Variants in WFDC1 observed in about 807,000 individuals in gnomAD.
The protein encoded by WFDC1 is WAP four-disulfide core domain protein 1.
A neutral mutation model predicts 32.9 loss-of-function variants in WFDC1; 39 were observed. That is an observed-to-expected ratio of 1.19 (90% CI 0.92 to 1.55). The LOEUF is 1.55. Among genes scored for constraint, WFDC1 ranks in the 40% most tolerant of loss-of-function variants. The pLI is 0.00. For synonymous variants in WFDC1, 184 were observed against 137.4 expected, an observed-to-expected ratio of 1.34 and a Z score of -2.37; for missense variants, 386 against 309.5, an observed-to-expected ratio of 1.25 and a Z score of -1.85.
Position 84,294,931 on chromosome 16 carries a change from C to G in WFDC1, c.-41C>G, listed in dbSNP as rs768962826. ...CAGGCCCACGCAGCGAGGGGGGCCC[C>G]TCTTCTGTGTGCGTCTGGAAGGTCG... On this transcript the variant is annotated 5_prime_UTR_variant, in exon 1 of 7. Coordinates refer to ENST00000219454, the MANE Select transcript of WFDC1 (RefSeq NM_021197.4). 6.3e-7 allele frequency: 1 copy of G among 1,594,020 alleles called. No homozygotes were observed. The highest frequency in any genetic ancestry group is 1.1e-5 in the South Asian group (1 of 87,226).
At chr16:84,298,105 G>T (rs1324753432) in intron 1 of WFDC1, among the ~76,000 whole-genome samples, 1 of 151,960 alleles carries the variant, frequency 6.6e-6, no homozygotes, top group South Asian at 2.1e-4. Context: ...TAAACTTACA[G>T]TTAAATCATT....
At chr16:84,324,049 G>A (rs1908450245) in intron 4 of WFDC1, among the ~76,000 whole-genome samples, 1 of 152,166 alleles carries the variant, frequency 6.6e-6, no homozygotes, top group Admixed American at 6.5e-5. Flanking sequence ...GAACCCAGGA[G>A]GCAGAGGTTA....
intron 2 of WFDC1, among the ~76,000 whole-genome samples, chr16:84,314,679 G>A (rs1017844343): frequency 2.6e-5 from 4 of 152,168 alleles, no homozygotes; most frequent in Admixed American, 2.6e-4. Flanking sequence ...ACTGCCTCTG[G>A]GCAGGAACTG....
chr16:84,311,409 T>TTTTC (rs1567656818), intron 1 of WFDC1, among the ~76,000 whole-genome samples: 2 of 137,080 alleles, frequency 1.5e-5, no homozygotes, highest in Non-Finnish European at 1.6e-5. Context: ...TTTGTATTTT[T>TTTTC]AGTAGAGACG....
chr16:84,313,143 G>GC lies in WFDC1; in HGVS notation c.332dup (p.Pro112AlafsTer25). The stretch of plus-strand genomic sequence containing the variant: ...CCTACGCCTGCCTAGAAGCTGTGCC[G>GC]CCCCCGCCAGGTAGGTCCTGGGCCC... On this transcript the variant is annotated frameshift_variant, in exon 2 of 7. Transcript: ENST00000219454. LOFTEE classifies it high-confidence loss of function. 1 of 1,432,176 alleles carries GC rather than the reference G, an allele frequency of 7.0e-7. No individual in the cohort carries two copies. The highest frequency in any genetic ancestry group is 9.1e-7 in the Non-Finnish European group (1 of 1,101,026). 88.7% of individuals were successfully genotyped at this position (1,432,176 alleles called of 1,614,324 possible).
chr16:84,303,750 C>G (rs1011569258), intron 1 of WFDC1, among the ~76,000 whole-genome samples: 1 of 152,180 alleles, frequency 6.6e-6, no homozygotes, highest in Non-Finnish European at 1.5e-5. Flanking sequence ...AGTCATGCAA[C>G]CGTCCTAACT....
At chr16:84,322,193 G>C (rs1262679767) in intron 4 of WFDC1, among the ~76,000 whole-genome samples, 2 of 151,688 alleles carry the variant, frequency 1.3e-5, no homozygotes, top group African/African-American at 4.8e-5. Flanking sequence ...GTGTGTGTGA[G>C]CTTCCCCTCC....
chr16:84,300,530 C>G (rs776322527), intron 1 of WFDC1, among the ~76,000 whole-genome samples: 3 of 152,262 alleles, frequency 2.0e-5, no homozygotes, highest in Non-Finnish European at 4.4e-5. Flanking sequence ...TGTGTCCCCC[C>G]AAAGATATAT....
chr16:84,316,531 A>C (rs1307500842), intron 2 of WFDC1: 1 of 151,956 alleles, frequency 6.6e-6, no homozygotes, highest in African/African-American at 2.4e-5. Flanking sequence ...AGGCCAAAGC[A>C]GGAGGATCAC....
chr16:84,326,987 G>A (rs1403907767), intron 6 of WFDC1, 32 bp downstream of exon 6: 1 of 1,608,322 alleles, frequency 6.2e-7, no homozygotes, highest in Admixed American at 1.7e-5. Flanking sequence ...GTCATGGCCA[G>A]GGTAAATGTG....
At chr16:84,310,855 A>G (rs182586617) in intron 1 of WFDC1, among the ~76,000 whole-genome samples, 16 of 152,138 alleles carry the variant, frequency 1.1e-4, no homozygotes, top group African/African-American at 3.4e-4. Context: ...TACTATTCCA[A>G]TTTGCAGATA....
At chr16:84,301,120 C>T (rs928006808) in intron 1 of WFDC1, among the ~76,000 whole-genome samples, 2 of 152,246 alleles carry the variant, frequency 1.3e-5, no homozygotes, top group East Asian at 3.9e-4. Flanking sequence ...CTGCCAGCCA[C>T]CACTGGAAGC....
At chr16:84,324,257 G>A (rs549843042) in intron 4 of WFDC1, among the ~76,000 whole-genome samples, 162 bp from the exon 5 acceptor site, 18 of 152,280 alleles carry the variant, frequency 1.2e-4, no homozygotes, top group African/African-American at 4.1e-4. Context: ...AGAAACTAGA[G>A]CTGAGACATT....
At chr16:84,300,106 G>C (rs1287419372) in intron 1 of WFDC1, among the ~76,000 whole-genome samples, 5 of 152,252 alleles carry the variant, frequency 3.3e-5, no homozygotes, top group African/African-American at 7.2e-5. Context: ...GCCTGGAGCT[G>C]TGCTTTCACC....
chr16:84,297,688 G>T (rs185898325), intron 1 of WFDC1, among the ~76,000 whole-genome samples: 1 of 149,116 alleles, frequency 6.7e-6, no homozygotes, highest in Admixed American at 6.7e-5. Flanking sequence ...CAGGCTGTTC[G>T]CCTGTGGCTC....
At chr16:84,297,913 A>G (rs1906704575) in intron 1 of WFDC1, among the ~76,000 whole-genome samples, 1 of 151,954 alleles carries the variant, frequency 6.6e-6, no homozygotes, top group Non-Finnish European at 1.5e-5. Flanking sequence ...CAAAGTCGAG[A>G]CTTCCCCGTG....
At chr16:84,318,230 G>A in intron 2 of WFDC1, 42 bp from the exon 3 acceptor site, 1 of 1,606,570 alleles carries the variant, frequency 6.2e-7, no homozygotes, top group Non-Finnish European at 8.5e-7. Context: ...GCGTTTCTCA[G>A]CTGCTTGAGG....
At chr16:84,297,958 C>G (rs1906708392) in intron 1 of WFDC1, among the ~76,000 whole-genome samples, 1 of 152,128 alleles carries the variant, frequency 6.6e-6, no homozygotes, top group East Asian at 1.9e-4. Flanking sequence ...TGAGTGAGAC[C>G]TTCAGCCTTG....
At chr16:84,323,579 T>C (rs941872905) in intron 4 of WFDC1, among the ~76,000 whole-genome samples, 4 of 152,236 alleles carry the variant, frequency 2.6e-5, no homozygotes, top group African/African-American at 7.2e-5. Context: ...TAAATGAAAT[T>C]GTTTCTTTTA....
Sources: gnomAD v4.1 joint callset for allele counts (sites outside exome capture counted in the v4.1 genomes callset) on GRCh38, gnomAD v4.1.1 for gene constraint, MANE v1.5 for transcripts, NCBI Gene and HGNC (gene_info 2026-07-23, HGNC 2026-07-21) for gene names.